The following C12orf42 variants were observed in gnomAD, a reference collection of about 807,000 sequenced individuals.
The protein encoded by C12orf42 is chromosome 12 open reading frame 42.
Under a neutral mutation model 21.6 loss-of-function variants are expected in C12orf42, and 25 were observed. The observed-to-expected ratio is 1.16, with a 90% CI of 0.84 to 1.62. The LOEUF (loss-of-function observed/expected upper bound fraction) is 1.62. Among genes scored for constraint, C12orf42 ranks in the 40% most tolerant of loss-of-function variants. The pLI is 0.00. For synonymous variants in C12orf42, 174 were observed against 175.0 expected (o/e 0.99, Z 0.05); for missense variants, 483 against 459.3 (o/e 1.05, Z -0.47).
the C12orf42 span, among the ~76,000 whole-genome samples, chr12:103,524,856 A>C: frequency 2.0e-5 from 3 of 150,496 alleles, no homozygotes; most frequent in Non-Finnish European, 4.4e-5. Context: ...GCATCACAGG[A>C]CCTGCAGCTG....
the C12orf42 span, among the ~76,000 whole-genome samples, chr12:103,512,929 G>T: frequency 6.6e-6 from 1 of 151,908 alleles, no homozygotes; most frequent in Admixed American, 6.6e-5. Context: ...TGGAACCCGG[G>T]AGGCAGAGGC....
intron 5 of C12orf42, among the ~76,000 whole-genome samples, chr12:103,275,712 T>C (rs574996626): frequency 1.5e-3 from 227 of 151,730 alleles, no homozygotes; most frequent in African/African-American, 5.1e-3. Context: ...TTCAATGGAA[T>C]ATTGATCAAG....
At chr12:103,110,924 C>T in the C12orf42 span, among the ~76,000 whole-genome samples, 1 of 152,092 alleles carries the variant, frequency 6.6e-6, no homozygotes, top group Non-Finnish European at 1.5e-5. Flanking sequence ...CAAATGGGTA[C>T]TTGGTACCTG....
At chr12:103,431,339 G>A (rs1484548083) in intron 2 of C12orf42, 1 of 152,180 alleles carries the variant, frequency 6.6e-6, no homozygotes, top group African/African-American at 2.4e-5. Flanking sequence ...AGGCCATTTT[G>A]ACTCTAGAGT....
intron 1 of C12orf42, among the ~76,000 whole-genome samples, chr12:103,486,808 C>T (rs1344086725): frequency 6.6e-6 from 1 of 152,048 alleles, no homozygotes; most frequent in South Asian, 2.1e-4. Flanking sequence ...GTGGTGATAT[C>T]CCCTATATGA....
chr12:103,479,638 G>C (rs1258979173), intron 1 of C12orf42, among the ~76,000 whole-genome samples: 2 of 151,894 alleles, frequency 1.3e-5, no homozygotes, highest in African/African-American at 4.8e-5. Flanking sequence ...GAAGTTTTTG[G>C]TTTTAAATTA....
chr12:103,446,745 A>C (rs1258829282), intron 2 of C12orf42, among the ~76,000 whole-genome samples: 2 of 152,012 alleles, frequency 1.3e-5, no homozygotes, highest in African/African-American at 4.8e-5. Flanking sequence ...TTAAAGCAAC[A>C]ACAGTTTAAA....
intron 3 of C12orf42, among the ~76,000 whole-genome samples, chr12:103,395,493 G>C (rs1239104237): frequency 2.0e-5 from 3 of 151,952 alleles, no homozygotes; most frequent in African/African-American, 7.3e-5. Flanking sequence ...CCACCACCAC[G>C]CCCGGCTAAT....
At chr12:103,141,284 TGAAA>T in the C12orf42 span, among the ~76,000 whole-genome samples, 1 of 151,664 alleles carries the variant, frequency 6.6e-6, no homozygotes, top group East Asian at 1.9e-4. Context: ...GAAGAAATAG[TGAAA>T]GAAAGATAAG....
intron 4 of C12orf42, among the ~76,000 whole-genome samples, chr12:103,310,984 C>T (rs2038917537): frequency 6.6e-6 from 1 of 152,148 alleles, no homozygotes. Flanking sequence ...GCCTGAGGTA[C>T]TTTATACACT....
chr12:103,487,561 A>G (rs1239017568), intron 1 of C12orf42, among the ~76,000 whole-genome samples: 1 of 152,224 alleles, frequency 6.6e-6, no homozygotes, highest in Non-Finnish European at 1.5e-5. Flanking sequence ...GGGGTGTTAA[A>G]GTCTCCCATT....
chr12:103,088,364 C>T, the C12orf42 span, among the ~76,000 whole-genome samples: 3 of 152,186 alleles, frequency 2.0e-5, no homozygotes, highest in East Asian at 5.8e-4. Context: ...CTTCTATATT[C>T]CCCAGCCTGG....
upstream of C12orf42, among the ~76,000 whole-genome samples, chr12:103,500,433 G>A (rs1269535483): frequency 6.6e-6 from 1 of 152,172 alleles, no homozygotes; most frequent in Admixed American, 6.5e-5. Context: ...CAATTGCCCA[G>A]TAAAAGCCCC....
chr12:103,286,941 A>AC (rs2036502068), intron 4 of C12orf42, among the ~76,000 whole-genome samples: 1 of 150,190 alleles, frequency 6.7e-6, no homozygotes, highest in African/African-American at 2.4e-5. Context: ...CTCCGTCTCA[A>AC]AAAAAAAAAA....
At chr12:103,082,842 A>G in the C12orf42 span, among the ~76,000 whole-genome samples, 2 of 152,252 alleles carry the variant, frequency 1.3e-5, no homozygotes, top group Non-Finnish European at 2.9e-5. Flanking sequence ...AGTATTTGGT[A>G]ACATAGTACA....
At chr12:103,249,040 A>G (rs1304672676) in intron 10 of C12orf42, among the ~76,000 whole-genome samples, 1 of 152,040 alleles carries the variant, frequency 6.6e-6, no homozygotes, top group Non-Finnish European at 1.5e-5. Flanking sequence ...CTAATAAAAC[A>G]CAACATTAAA....
chr12:103,191,636 G>A, the C12orf42 span, among the ~76,000 whole-genome samples: 3 of 149,164 alleles, frequency 2.0e-5, no homozygotes, highest in Non-Finnish European at 4.4e-5. Flanking sequence ...AGCTACTTGG[G>A]AGGCTGAGCC....
rs759538927 is a variant in C12orf42 at position 103,302,146 on chromosome 12, C to T, written c.1045G>A (p.Ala349Thr). Residue 349 changes from alanine to threonine, a missense_variant, in exon 6 of 6, where the codon GCC (alanine) becomes ACC (threonine). Physicochemically the swap from Ala to Thr is moderately conservative, Grantham distance 58. Transcript: ENST00000548883. ...GCATTCACCACCGGCCTAGAAAGGG[C>T]CTGTGAACAAACCGTATGGAAACGC... The part of the protein sequence containing the change: ...TRRFHTVCSQ[A>T]LSRPVVNAHL... 3.1e-5 allele frequency: 50 copies of T among 1,613,136 alleles called. No homozygotes were observed. Among genetic ancestry groups the T allele is most frequent in the Non-Finnish European group, 4.1e-5 (48 of 1,179,540 alleles).
chr12:103,273,910 G>C (rs934911011), intron 5 of C12orf42: 1 of 456,076 alleles, frequency 2.2e-6, no homozygotes, highest in Non-Finnish European at 4.4e-6. Flanking sequence ...CAAGGAGGAC[G>C]AGCAGAAAAG....
Sources: allele counts gnomAD v4.1 joint callset (sites outside exome capture counted in the v4.1 genomes callset), GRCh38; gene constraint gnomAD v4.1.1; transcripts MANE v1.5; gene names NCBI Gene and HGNC (gene_info 2026-07-23, HGNC 2026-07-21).